THSD7B: variants seen among roughly 807,000 people sequenced by gnomAD.
The protein encoded by THSD7B is thrombospondin type 1 domain containing 7B.
Under a neutral mutation model 213.6 loss-of-function variants are expected in THSD7B, and 138 were observed. That is an observed-to-expected ratio of 0.65 (90% CI 0.56 to 0.74). THSD7B has a LOEUF of 0.74. THSD7B is among the 30% of genes least tolerant of loss of function. The pLI is 0.00. For synonymous variants in THSD7B, 742 were observed against 687.0 expected (o/e 1.08, Z -1.25); for missense variants, 1,931 against 1,991.5 (o/e 0.97, Z 0.58).
chr2:136,957,158 G>A (rs1685140451), intron 2 of THSD7B, among the ~76,000 whole-genome samples: 1 of 152,146 alleles, frequency 6.6e-6, no homozygotes, highest in African/African-American at 2.4e-5. Context: ...GCCAATCAGT[G>A]TCATTTAGTC....
chr2:137,372,038 TGA>T (rs1246265674), intron 12 of THSD7B, among the ~76,000 whole-genome samples: 3 of 152,294 alleles, frequency 2.0e-5, no homozygotes, highest in Admixed American at 2.0e-4. Context: ...TTGAATTGTA[TGA>T]GTTTTTCTGC....
intron 12 of THSD7B, among the ~76,000 whole-genome samples, chr2:137,326,511 G>A (rs768553532): frequency 6.6e-6 from 1 of 152,240 alleles, no homozygotes; most frequent in Middle Eastern, 3.4e-3. Flanking sequence ...GTTATACAAA[G>A]CCACTTAGAT....
At chr2:137,174,809 T>C (rs1423223956) in intron 7 of THSD7B, among the ~76,000 whole-genome samples, 2 of 152,206 alleles carry the variant, frequency 1.3e-5, no homozygotes, top group Non-Finnish European at 2.9e-5. Flanking sequence ...TCAATAGACA[T>C]TTACGGAGCG....
chr2:137,601,183 T>G (rs1049628354), intron 17 of THSD7B, among the ~76,000 whole-genome samples: 1 of 152,122 alleles, frequency 6.6e-6, no homozygotes, highest in African/African-American at 2.4e-5. Flanking sequence ...ATGGAAAACA[T>G]TTTAAAATAA....
chr2:137,087,839 G>A (rs1687868765), intron 3 of THSD7B, among the ~76,000 whole-genome samples: 1 of 152,150 alleles, frequency 6.6e-6, no homozygotes, highest in Admixed American at 6.6e-5. Context: ...AGCCTGCATA[G>A]CCAAAGCAAG....
chr2:137,648,281 A>T (rs1261789049), intron 21 of THSD7B, among the ~76,000 whole-genome samples: 1 of 152,138 alleles, frequency 6.6e-6, no homozygotes, highest in South Asian at 2.1e-4. Flanking sequence ...AGATTATTGT[A>T]AGCTATAGTC....
rs977379907 is a variant in THSD7B at position 136,927,271 on chromosome 2, T to G, written c.139+44954T>G. ...CTTATCTCTACATAATTAACTTGTT[T>G]TAGTCTTTTAAAAACATTACCTGCT... On this transcript the variant is annotated intron_variant, in intron 2 of 27. Transcript: ENST00000409968. 3.7e-5 allele frequency among the ~76,000 whole-genome samples: 4 copies of G among 108,060 alleles called. No individual in the cohort carries two copies. The Admixed American group carries it at 4.0e-4, about 11-fold the overall frequency. The allele number at this position is 108,060 out of a possible 152,430, so 70.9% of individuals were successfully genotyped here. A position where few individuals can be genotyped will look rare whatever the true frequency, so the allele number is the denominator to read the frequency against.
intron 2 of THSD7B, among the ~76,000 whole-genome samples, chr2:136,975,044 G>GTTTTTTTTTTTTTTTTTTTT (rs144154932): frequency 7.4e-6 from 1 of 134,844 alleles, no homozygotes. Flanking sequence ...TTAATGGTTT[G>GTTTTTTTTTTTTTTTTTTTT]TTTTTTTTTT....
chr2:137,333,041 A>T (rs1044777505), intron 12 of THSD7B, among the ~76,000 whole-genome samples: 1 of 151,658 alleles, frequency 6.6e-6, no homozygotes, highest in African/African-American at 2.4e-5. Flanking sequence ...TGGATCCGAG[A>T]ACGAAGGAAA....
intron 2 of THSD7B, among the ~76,000 whole-genome samples, chr2:136,996,863 T>C (rs753128992): frequency 4.6e-5 from 7 of 152,216 alleles, no homozygotes; most frequent in Admixed American, 3.9e-4. Context: ...GCACTCTCTC[T>C]GATGTTGGAC....
At chr2:137,373,380 G>A (rs1685575806) in intron 12 of THSD7B, among the ~76,000 whole-genome samples, 2 of 152,162 alleles carry the variant, frequency 1.3e-5, no homozygotes, top group African/African-American at 4.8e-5. Flanking sequence ...ACTTTTTAAT[G>A]ATTGCTCTTC....
At chr2:137,289,791 GA>G (rs769120615) in intron 12 of THSD7B, among the ~76,000 whole-genome samples, 27 of 150,824 alleles carry the variant, frequency 1.8e-4, no homozygotes, top group African/African-American at 6.3e-4. Flanking sequence ...CAATTATGAA[GA>G]AAAAAGAGAA....
At chr2:137,042,667 T>C (rs1686904319) in intron 2 of THSD7B, among the ~76,000 whole-genome samples, 1 of 152,222 alleles carries the variant, frequency 6.6e-6, no homozygotes, top group Admixed American at 6.5e-5. Flanking sequence ...TTATCTTCAG[T>C]TGGAATCAGA....
intron 1 of THSD7B, among the ~76,000 whole-genome samples, chr2:136,816,548 T>C (rs1406157203): frequency 6.6e-6 from 1 of 152,252 alleles, no homozygotes. Context: ...GTTTTTGTTT[T>C]ATTTTGCTAT....
rs143921844 is a variant in THSD7B at position 137,231,135 on chromosome 2, C to T, written c.1815C>T (p.Ser605=). The T allele has an allele frequency of 6.3e-5, 102 of 1,613,720 alleles. No homozygotes were observed. The highest frequency in any genetic ancestry group is 3.3e-4 in the South Asian group (30 of 91,054). Residue 605 remains serine, a synonymous_variant, in exon 8 of 28, where the codon AGC becomes AGT. Transcript: ENST00000409968. The part of the protein sequence containing the change: ...EIPCRMDCVL[S]EWTEWSSCSQ... ...CCTGCCGAATGGACTGTGTGCTGAG[C>T]GAGTGGACGGAGTGGTCATCCTGTT...
chr2:137,432,086 A>T (rs1022125028), intron 14 of THSD7B, among the ~76,000 whole-genome samples: 4 of 151,698 alleles, frequency 2.6e-5, no homozygotes, highest in African/African-American at 9.7e-5. Context: ...TCATTTAATT[A>T]AAAAAAAATT....
intron 2 of THSD7B, among the ~76,000 whole-genome samples, chr2:136,908,613 A>G (rs1684207229): frequency 6.6e-6 from 1 of 152,178 alleles, no homozygotes; most frequent in African/African-American, 2.4e-5. Context: ...TCTAGGATTG[A>G]GTTTGCACAT....
chr2:137,044,454 C>T (rs1219790447), intron 2 of THSD7B, among the ~76,000 whole-genome samples: 2 of 152,164 alleles, frequency 1.3e-5, no homozygotes, highest in African/African-American at 4.8e-5. Context: ...CATCTCCCAG[C>T]ACTTTTTAGC....
intron 7 of THSD7B, among the ~76,000 whole-genome samples, chr2:137,207,513 T>G (rs1681011744): frequency 6.6e-6 from 1 of 151,852 alleles, no homozygotes; most frequent in Admixed American, 6.6e-5. Context: ...ACCACCAGAG[T>G]GTAATGCAAA....
Sources: gnomAD v4.1 joint callset for allele counts (sites outside exome capture counted in the v4.1 genomes callset) on GRCh38, gnomAD v4.1.1 for gene constraint, MANE v1.5 for transcripts, NCBI Gene and HGNC (gene_info 2026-07-23, HGNC 2026-07-21) for gene names.